Variants in RP1L1 observed in about 807,000 individuals in gnomAD.
RP1L1 encodes retinitis pigmentosa 1-like 1 protein.
In RP1L1, 27 loss-of-function variants were observed where a neutral mutation model predicts 15.7. The ratio of observed to expected loss-of-function variants is 1.72; its 90% CI spans 1.27 to 2.38. The LOEUF (loss-of-function observed/expected upper bound fraction) is 2.38. RP1L1 is among the 30% of genes most tolerant of loss of function. The pLI, the probability that RP1L1 is intolerant of heterozygous loss-of-function variation, is 0.00. For missense variants in RP1L1, 4,798 were observed against 3,075.9 expected, an observed-to-expected ratio of 1.56 and a Z score of -13.24; for synonymous variants, 1,813 against 1,276.7, an observed-to-expected ratio of 1.42 and a Z score of -8.96.
At chr8:10,624,273 A>G (rs868309662) in intron 1 of RP1L1, among the ~76,000 whole-genome samples, 7 of 152,192 alleles carry the variant, frequency 4.6e-5, no homozygotes, top group South Asian at 2.1e-4. Context: ...TGCAACCATT[A>G]GTAGGACATG....
At position 10,651,755 on chromosome 8, in the gene RP1L1, TAA is replaced by T. The variant is rs56269757; in HGVS notation, c.-20+3141_-20+3142del. ...CTGGCAACAGAGCGAGACTCCGTCT[TAA>T]AAAAAAAAAAAAAAAAAAAAGTTAT... is the stretch of plus-strand genomic sequence containing the variant. On this transcript the variant is annotated intron_variant, in intron 1 of 3. Coordinates refer to ENST00000382483, the MANE Select transcript of RP1L1 (RefSeq NM_178857.6). Among the ~76,000 whole-genome samples, 239 of 101,718 alleles carry T rather than the reference TAA, an allele frequency of 2.3e-3. 2 individuals are homozygous for T. The South Asian group carries it at 0.057, about 24-fold the overall frequency. The allele number at this position is 101,718 out of a possible 152,430, so 66.7% of individuals were successfully genotyped here.
rs1798620221 is a variant in RP1L1 at position 10,655,123 on chromosome 8, T to G, written c.-245A>C. The G allele has an allele frequency of 6.6e-6, 1 of 152,576 alleles. No homozygotes were observed. Among genetic ancestry groups the G allele is most frequent in the Non-Finnish European group, 1.5e-5 (1 of 68,208 alleles). The allele number at this position is 152,576 out of a possible 1,614,324, so 9.5% of individuals were successfully genotyped here. A position where few individuals can be genotyped will look rare whatever the true frequency, so the allele number is the denominator to read the frequency against. ...TGGGCAGGAGCCCAGCCTCCTGAGC[T>G]CCAACAGATGGTCCATTTGCACAGA... On this transcript the variant is annotated 5_prime_UTR_variant, in exon 1 of 4. Coordinates refer to ENST00000382483, the MANE Select transcript of RP1L1 (RefSeq NM_178857.6).
At chr8:10,642,484 G>A (rs143987583) in intron 1 of RP1L1, among the ~76,000 whole-genome samples, 694 of 152,330 alleles carry the variant, frequency 4.6e-3, no homozygotes, top group African/African-American at 0.016. Flanking sequence ...GGCTACAGAT[G>A]CCATTTTGTT....
At chr8:10,634,830 G>A (rs1024675682) in intron 1 of RP1L1, among the ~76,000 whole-genome samples, 1 of 152,088 alleles carries the variant, frequency 6.6e-6, no homozygotes, top group African/African-American at 2.4e-5. Context: ...TCTTCCACCT[G>A]GTGTGAGTCT....
intron 1 of RP1L1, among the ~76,000 whole-genome samples, chr8:10,629,061 A>C (rs985132484): frequency 1.3e-5 from 2 of 152,254 alleles, no homozygotes; most frequent in African/African-American, 4.8e-5. Context: ...TGTTTGAAGA[A>C]TAAATAATGC....
rs187998469 is a variant in RP1L1 at position 10,607,776 on chromosome 8, C to G, written c.6322G>C (p.Gly2108Arg). Residue 2108 changes from glycine to arginine, a missense_variant, in exon 4 of 4, where the codon GGG (glycine) becomes CGG (arginine). Coordinates refer to ENST00000382483, the MANE Select transcript of RP1L1 (RefSeq NM_178857.6). ...SEGVEAPEAE[G>R]EAQKAEGIEA... ...ATACCTTCTGCCTTCTGGGCCTCCC[C>G]TTCTGCCTCTGGGGCCTCTACACCT... 2.5e-6 allele frequency: 4 copies of G among 1,610,988 alleles called. No homozygotes were observed. The highest frequency in any genetic ancestry group is 3.4e-6 in the Non-Finnish European group (4 of 1,178,206).
intron 1 of RP1L1, among the ~76,000 whole-genome samples, chr8:10,637,283 T>C (rs1245035788): frequency 2.0e-5 from 3 of 152,178 alleles, no homozygotes; most frequent in African/African-American, 7.2e-5. Flanking sequence ...CAAGGTCCTC[T>C]CACCCCAGAG....
chr8:10,615,206 T>C (rs13274837), intron 3 of RP1L1, among the ~76,000 whole-genome samples: 149,868 of 152,252 alleles, frequency 0.98, 73,808 homozygotes, highest in East Asian at 1. Flanking sequence ...CAGTGATCAC[T>C]GAGCCTGTGC....
chr8:10,611,248 G>A lies in RP1L1; in HGVS notation c.2850C>T (p.Arg950=), dbSNP rs542085308. 1.1e-4 allele frequency: 170 copies of A among 1,613,046 alleles called. 2 individuals carry two copies. In the Middle Eastern group the frequency reaches 4.9e-3, roughly 47 times the overall value. ...ASGVSPSSLP[R]SSPEAVVREW... ...CGCGGACCACAGCCTCTGGAGACGAGCGGGGCAGAGAGCTGGGTGACACAC... is the reference window on the plus strand; with the variant it reads ...CGCGGACCACAGCCTCTGGAGACGAACGGGGCAGAGAGCTGGGTGACACAC... The change falls in exon 4 of 4, where the codon CGC becomes CGT. Residue 950 remains arginine (R), a synonymous_variant. Coordinates refer to ENST00000382483, the MANE Select transcript of RP1L1 (RefSeq NM_178857.6).
intron 2 of RP1L1, among the ~76,000 whole-genome samples, chr8:10,619,386 G>T (rs1798022905): frequency 6.6e-6 from 1 of 152,184 alleles, no homozygotes; most frequent in Non-Finnish European, 1.5e-5. Context: ...GACATCAAAA[G>T]ATGCCCTCGT....
Position 10,612,497 on chromosome 8 carries a change from T to C in RP1L1, c.1601A>G (p.Asp534Gly), listed in dbSNP as rs762917359. 3.2e-5 allele frequency: 52 copies of C among 1,611,784 alleles called. No homozygotes were observed. The highest frequency in any genetic ancestry group is 4.4e-5 in the Non-Finnish European group (52 of 1,179,766). ...RARSEEGASS[D>G]SSASTGSHEG... ...ATGAGAGCCGGTGCTGGCTGACGAG[T>C]CCGAAGAAGCCCCCTCCTCACTCCG... The change falls in exon 4 of 4, where the codon GAC (aspartate) becomes GGC (glycine). Residue 534 changes from aspartate (D) to glycine (G), a missense_variant. Physicochemically the swap from Asp to Gly is moderately conservative, Grantham distance 94. Transcript: ENST00000382483.
At chr8:10,634,973 A>C (rs73201175) in intron 1 of RP1L1, among the ~76,000 whole-genome samples, 219 of 152,294 alleles carry the variant, frequency 1.4e-3, no homozygotes, top group Non-Finnish European at 2.8e-3. Context: ...CAACCCTAGG[A>C]GAGTGCTGGG....
chr8:10,619,744 T>A (rs572675478), intron 2 of RP1L1, among the ~76,000 whole-genome samples: 1 of 151,700 alleles, frequency 6.6e-6, no homozygotes, highest in Non-Finnish European at 1.5e-5. Flanking sequence ...CTGGCCAACA[T>A]GGTGAAACCG....
rs559759860 is a variant in RP1L1 at position 10,649,496 on chromosome 8, C to G, written c.-20+5402G>C. Reference sequence around the variant, plus strand: ...CCCAGTAGACCACAGCCTGCCCCAGCCAGGACAGGAGGCTGCTCGATGGTG... The same window carrying G: ...CCCAGTAGACCACAGCCTGCCCCAGGCAGGACAGGAGGCTGCTCGATGGTG... On this transcript the variant is annotated intron_variant, in intron 1 of 3. Coordinates refer to ENST00000382483, the MANE Select transcript of RP1L1 (RefSeq NM_178857.6). Among the ~76,000 whole-genome samples the G allele has an allele frequency of 4.6e-5, 7 of 152,306 alleles. No homozygotes were observed. In the South Asian group the frequency reaches 1.2e-3, roughly 27 times the overall value.
chr8:10,625,552 G>A (rs1036271535), intron 1 of RP1L1, among the ~76,000 whole-genome samples: 1 of 152,134 alleles, frequency 6.6e-6, no homozygotes, highest in Non-Finnish European at 1.5e-5. Context: ...TGAGGTGTGA[G>A]ATGCTCCATA....
At chr8:10,649,924 T>A (rs116104295) in intron 1 of RP1L1, among the ~76,000 whole-genome samples, 3,324 of 152,192 alleles carry the variant, frequency 0.022, 111 homozygotes, top group African/African-American at 0.076. Flanking sequence ...CTGTCACAGG[T>A]CTGTTTGGGC....
At chr8:10,633,749 C>T (rs755347496) in intron 1 of RP1L1, among the ~76,000 whole-genome samples, 5 of 152,162 alleles carry the variant, frequency 3.3e-5, no homozygotes, top group Non-Finnish European at 4.4e-5. Flanking sequence ...ACAGACTACA[C>T]GAGCTTCAGT....
chr8:10,614,556 G>A (rs953224935), intron 3 of RP1L1, among the ~76,000 whole-genome samples: 6 of 151,676 alleles, frequency 4.0e-5, no homozygotes, highest in African/African-American at 1.2e-4. Flanking sequence ...AGCCACTCGG[G>A]AGGCTGAGGC....
intron 1 of RP1L1, among the ~76,000 whole-genome samples, chr8:10,633,565 G>A (rs1039394822): frequency 6.6e-6 from 1 of 152,130 alleles, no homozygotes; most frequent in African/African-American, 2.4e-5. Flanking sequence ...AGGCGCAGGG[G>A]AGGCCGGGGA....
Sources: allele counts gnomAD v4.1 joint callset (sites outside exome capture counted in the v4.1 genomes callset), GRCh38; gene constraint gnomAD v4.1.1; transcripts MANE v1.5; gene names NCBI Gene and HGNC (gene_info 2026-07-23, HGNC 2026-07-21).